The following CTNNA3 variants were observed in gnomAD, a reference collection of about 807,000 sequenced individuals.
CTNNA3 encodes the protein catenin alpha 3.
In CTNNA3, 76 loss-of-function variants were observed where a neutral mutation model predicts 95.7. The ratio of observed to expected loss-of-function variants is 0.79; its 90% CI spans 0.66 to 0.96. CTNNA3 has a LOEUF of 0.96. Among genes scored for constraint, CTNNA3 ranks in the 40% least tolerant of loss-of-function variants. The pLI is 0.00. For synonymous variants in CTNNA3, 431 were observed against 374.4 expected (o/e 1.15, Z -1.74); for missense variants, 1,191 against 1,089.8 (o/e 1.09, Z -1.31).
intron 11 of CTNNA3, among the ~76,000 whole-genome samples, chr10:66,498,419 A>G (rs1336473602): frequency 6.6e-6 from 1 of 152,126 alleles, no homozygotes; most frequent in Non-Finnish European, 1.5e-5. Context: ...GCAAAAGTAA[A>G]GGATTTTCCT....
intron 12 of CTNNA3, among the ~76,000 whole-genome samples, chr10:66,319,493 G>A (rs2132283793): frequency 6.6e-6 from 1 of 152,232 alleles, no homozygotes; most frequent in African/African-American, 2.4e-5. Flanking sequence ...GATAGGGGAT[G>A]GGATGTAGGG....
intron 17 of CTNNA3, among the ~76,000 whole-genome samples, chr10:65,961,334 A>T (rs1034041447): frequency 6.6e-6 from 1 of 152,068 alleles, no homozygotes; most frequent in African/African-American, 2.4e-5. Flanking sequence ...TTTTGCCTTC[A>T]CCATAATACT....
chr10:66,226,309 G>T (rs868066571), intron 13 of CTNNA3, among the ~76,000 whole-genome samples: 1 of 152,042 alleles, frequency 6.6e-6, no homozygotes, highest in African/African-American at 2.4e-5. Context: ...TGAAAAGGCT[G>T]CCATTTTCCC....
intron 1 of CTNNA3, among the ~76,000 whole-genome samples, chr10:67,675,115 T>C (rs1564823552): frequency 6.6e-6 from 1 of 152,138 alleles, no homozygotes; most frequent in Non-Finnish European, 1.5e-5. Context: ...ATTCTAGTTT[T>C]CTTTTCTGTG....
At chr10:66,729,658 C>T (rs113381697) in intron 9 of CTNNA3, among the ~76,000 whole-genome samples, 19,674 of 151,878 alleles carry the variant, frequency 0.13, 1,563 homozygotes, top group African/African-American at 0.21. Context: ...TGGAAGGGGG[C>T]GAGGGATAAA....
At chr10:67,162,330 A>G (rs1240867632) in intron 7 of CTNNA3, among the ~76,000 whole-genome samples, 1 of 152,010 alleles carries the variant, frequency 6.6e-6, no homozygotes, top group Non-Finnish European at 1.5e-5. Flanking sequence ...ATAAGGGTAA[A>G]TACATATTAT....
intron 1 of CTNNA3, among the ~76,000 whole-genome samples, chr10:67,728,458 T>C (rs1220671170): frequency 2.7e-5 from 4 of 150,676 alleles, no homozygotes; most frequent in African/African-American, 4.9e-5. Context: ...ATTATAGAGA[T>C]ATACATATTT....
intron 9 of CTNNA3, among the ~76,000 whole-genome samples, chr10:66,728,242 A>G (rs1848839500): frequency 6.6e-6 from 1 of 152,112 alleles, no homozygotes; most frequent in Non-Finnish European, 1.5e-5. Flanking sequence ...GGAGAAGGTA[A>G]GCAGAAATAA....
intron 7 of CTNNA3, among the ~76,000 whole-genome samples, chr10:66,793,852 T>C (rs114228616): frequency 0.011 from 1,608 of 152,276 alleles, 31 homozygotes; most frequent in African/African-American, 0.036. Context: ...AGAACAATTC[T>C]ATTTATTCCT....
chr10:67,244,016 T>A lies in CTNNA3; in HGVS notation c.580-24146A>T, dbSNP rs1326031306. Among the ~76,000 whole-genome samples, 5 of 152,314 alleles carry A rather than the reference T, an allele frequency of 3.3e-5. No homozygotes were observed. The South Asian group carries it at 1.0e-3, about 32-fold the overall frequency. ...AACACCTCTCACCACTTTAAAGTAATGAGAAAACCTTGAGGGTCACTGCCA... is the reference window on the plus strand; with the variant it reads ...AACACCTCTCACCACTTTAAAGTAAAGAGAAAACCTTGAGGGTCACTGCCA... On this transcript the variant is annotated intron_variant, in intron 5 of 17. Coordinates refer to ENST00000433211, the MANE Select transcript of CTNNA3 (RefSeq NM_013266.4).
intron 13 of CTNNA3, among the ~76,000 whole-genome samples, chr10:66,227,476 T>C (rs2089367155): frequency 1.3e-5 from 2 of 152,132 alleles, no homozygotes; most frequent in South Asian, 4.1e-4. Context: ...TCACATTTAT[T>C]GACTTGCATA....
chr10:67,642,716 CA>C (rs535011766), intron 2 of CTNNA3, among the ~76,000 whole-genome samples: 27 of 140,662 alleles, frequency 1.9e-4, no homozygotes, highest in East Asian at 4.2e-4. Flanking sequence ...GACTCTGTCT[CA>C]AAAAAAAAAA....
At chr10:65,967,158 G>T (rs182184070) in intron 16 of CTNNA3, among the ~76,000 whole-genome samples, 2 of 151,306 alleles carry the variant, frequency 1.3e-5, no homozygotes, top group South Asian at 4.2e-4. Context: ...GGGTTTCACC[G>T]TGTTATCTAG....
chr10:65,967,686 C>T (rs553149739), intron 16 of CTNNA3, among the ~76,000 whole-genome samples: 25 of 152,246 alleles, frequency 1.6e-4, no homozygotes, highest in Non-Finnish European at 3.4e-4. Flanking sequence ...TTTATCTTTT[C>T]GAAGGAACTT....
chr10:66,844,247 T>A (rs1233313611), intron 7 of CTNNA3, among the ~76,000 whole-genome samples: 1 of 152,238 alleles, frequency 6.6e-6, no homozygotes, highest in African/African-American at 2.4e-5. Context: ...TTATGGTTTT[T>A]CCAAATAATA....
intron 9 of CTNNA3, among the ~76,000 whole-genome samples, chr10:66,626,657 T>C (rs1844946425): frequency 6.6e-6 from 1 of 152,024 alleles, no homozygotes; most frequent in Admixed American, 6.6e-5. Flanking sequence ...GAATGGCAAA[T>C]ATATTCAATA....
At chr10:66,695,547 T>A (rs1304477418) in intron 9 of CTNNA3, among the ~76,000 whole-genome samples, 1 of 152,150 alleles carries the variant, frequency 6.6e-6, no homozygotes, top group Non-Finnish European at 1.5e-5. Flanking sequence ...ATACCCTCTG[T>A]GATACACATA....
intron 1 of CTNNA3, chr10:67,648,828 G>A: frequency 1.6e-6 from 2 of 1,273,410 alleles, no homozygotes; most frequent in Admixed American, 2.4e-5. Flanking sequence ...TGCAATGTAA[G>A]AGACACGCTT....
chr10:66,002,945 T>C (rs2078799588), intron 15 of CTNNA3, among the ~76,000 whole-genome samples: 2 of 152,170 alleles, frequency 1.3e-5, no homozygotes, highest in Admixed American at 1.3e-4. Flanking sequence ...AAATCCTATA[T>C]TTTATTTTAT....
Sources: allele counts gnomAD v4.1 joint callset (sites outside exome capture counted in the v4.1 genomes callset), GRCh38; gene constraint gnomAD v4.1.1; transcripts MANE v1.5; gene names NCBI Gene and HGNC (gene_info 2026-07-23, HGNC 2026-07-21).